SHH: variants seen among roughly 807,000 people sequenced by gnomAD.
SHH encodes sonic hedgehog signaling molecule.
In SHH, 3 loss-of-function variants were observed where a neutral mutation model predicts 16.6. The observed-to-expected ratio is 0.18, with a 90% CI of 0.08 to 0.47. The LOEUF (loss-of-function observed/expected upper bound fraction) is 0.47, where lower values mean the gene tolerates loss of function less well. Ranked by LOEUF, SHH falls within the 20% of genes least tolerant of loss-of-function variation. The pLI, the probability that SHH is intolerant of heterozygous loss-of-function variation, is 0.98. For synonymous variants in SHH, 351 were observed against 316.2 expected (o/e 1.11, Z -1.17); for missense variants, 499 against 665.0 (o/e 0.75, Z 2.75).
chr7:155,803,272 C>G lies in SHH; in HGVS notation c.1017G>C (p.Glu339Asp). The G allele has an allele frequency of 2.0e-6, 3 of 1,505,400 alleles. No homozygotes were observed. Among genetic ancestry groups the G allele is most frequent in the Non-Finnish European group, 2.6e-6 (3 of 1,134,600 alleles). 93.3% of individuals were successfully genotyped at this position (1,505,400 alleles called of 1,614,324 possible). A position where few individuals can be genotyped will look rare whatever the true frequency, so the allele number is the denominator to read the frequency against. Residue 339 changes from glutamate to aspartate, a missense_variant, in exon 3 of 3, where the codon GAG becomes GAC. By Grantham distance (45) the Glu-to-Asp change is conservative. This residue lies in a region of SHH where 299 missense variants were observed against 301.1 expected (regional missense o/e 0.99). Transcript: ENST00000297261. ...PAAVHSVTLS[E>D]EAAGAYAPLT... ...GCGGCGCGTAGGCGCCCGCGGCCTC[C>G]TCGCTTAGGGTCACGCTGTGCACAG...
chr7:155,806,677 T>G, intron 1 of SHH, 120 bp from the exon 2 acceptor site: 1 of 1,289,462 alleles, frequency 7.8e-7, no homozygotes, highest in Non-Finnish European at 1.1e-6. Context: ...TGCGGAGAGG[T>G]GGGGAGACGG....
Position 155,800,722 on chromosome 7 carries a change from G to A in SHH, c.*2178C>T, listed in dbSNP as rs1313081027. Reference sequence around the variant, plus strand: ...AAAAAGGCTGAGGACTGCTCCTGAGGAGAGGGCTCCAGAGGCCCTGCGCCA... The same window carrying A: ...AAAAAGGCTGAGGACTGCTCCTGAGAAGAGGGCTCCAGAGGCCCTGCGCCA... On this transcript the variant is annotated 3_prime_UTR_variant, in exon 3 of 3. Transcript: ENST00000297261. 4.4e-6 allele frequency: 2 copies of A among 456,032 alleles called. No individual in the cohort carries two copies. Among genetic ancestry groups the A allele is most frequent in the East Asian group, 7.0e-5 (1 of 14,320 alleles). The allele number at this position is 456,032 out of a possible 1,614,324, so 28.2% of individuals were successfully genotyped here. A position where few individuals can be genotyped will look rare whatever the true frequency, so the allele number is the denominator to read the frequency against.
At chr7:155,810,424 C>T (rs962274565) in intron 1 of SHH, among the ~76,000 whole-genome samples, 2 of 152,230 alleles carry the variant, frequency 1.3e-5, no homozygotes, top group Non-Finnish European at 2.9e-5. Flanking sequence ...ATGGGCGCCT[C>T]GGGCTAGCCG....
Position 155,802,788 on chromosome 7 carries a change from C to G in SHH, c.*112G>C. 1 of 623,762 alleles carries G rather than the reference C, an allele frequency of 1.6e-6. No individual in the cohort carries two copies. The allele number at this position is 623,762 out of a possible 1,614,324, so 38.6% of individuals were successfully genotyped here. ...ACTGTCCTACTTTATTATTCTTATTCTTATTATAACTCAGTCTGGTTCGTG... is the reference window on the plus strand; with the variant it reads ...ACTGTCCTACTTTATTATTCTTATTGTTATTATAACTCAGTCTGGTTCGTG... On this transcript the variant is annotated 3_prime_UTR_variant, in exon 3 of 3. Transcript: ENST00000297261.
chr7:155,811,708 G>A, intron 1 of SHH, 115 bp downstream of exon 1: 1 of 1,049,176 alleles, frequency 9.5e-7, no homozygotes, highest in Non-Finnish European at 1.5e-6. Flanking sequence ...GAAGGAGCGG[G>A]TGAAATCACC....
At chr7:155,808,636 C>CCCG (rs1335453364) in intron 1 of SHH, among the ~76,000 whole-genome samples, 1 of 152,218 alleles carries the variant, frequency 6.6e-6, no homozygotes, top group Non-Finnish European at 1.5e-5. Context: ...CTCTCCTCCG[C>CCCG]CCGCGCTGGG....
At position 155,802,785 on chromosome 7, in the gene SHH, A is replaced by ATTCT. The variant is rs991536699; in HGVS notation, c.*111_*114dup. 9.7e-5 allele frequency: 59 copies of ATTCT among 611,302 alleles called. No individual in the cohort carries two copies. The Admixed American group carries it at 1.8e-3, about 19-fold the overall frequency. 37.9% of individuals were successfully genotyped at this position (611,302 alleles called of 1,614,324 possible). A position where few individuals can be genotyped will look rare whatever the true frequency, so the allele number is the denominator to read the frequency against. ...TGGACTGTCCTACTTTATTATTCTT[A>ATTCT]TTCTTATTATAACTCAGTCTGGTTC... On this transcript the variant is annotated 3_prime_UTR_variant, in exon 3 of 3. Transcript: ENST00000297261.
At chr7:155,806,872 T>G (rs1261351135) in intron 1 of SHH, 1 of 476,186 alleles carries the variant, frequency 2.1e-6, no homozygotes, top group East Asian at 4.2e-5. Flanking sequence ...CTGAAACAAG[T>G]GACCTGCATG....
chr7:155,808,770 C>T (rs982948962), intron 1 of SHH, among the ~76,000 whole-genome samples: 11 of 152,230 alleles, frequency 7.2e-5, no homozygotes, highest in Non-Finnish European at 1.0e-4. Context: ...CGGGGCCGGG[C>T]TTTGTGTCGG....
In SHH at chr7:155,809,908, G is replaced by A. The variant is rs985660703; in HGVS notation, c.300+1915C>T. Among the ~76,000 whole-genome samples, 4 of 151,534 alleles carry A rather than the reference G, an allele frequency of 2.6e-5. No individual in the cohort carries two copies. Among genetic ancestry groups the A allele is most frequent in the African/African-American group, 9.7e-5 (4 of 41,376 alleles). ...GAGGCCAGGCAGGCGGCGGACTGGG[G>A]ATGGGGGCGCGTCCCAGGGCAGGCC... On this transcript the variant is annotated intron_variant, in intron 1 of 2. Transcript: ENST00000297261. This position sits in a 1 kb window ranked among gnomAD's most constrained non-coding sequence, Gnocchi z 6.1.
In SHH at chr7:155,803,158, G is replaced by A. The variant is rs1803241498; in HGVS notation, c.1131C>T (p.Phe377=). 1 of 1,439,844 alleles carries A rather than the reference G, an allele frequency of 6.9e-7. No individual in the cohort carries two copies. The highest frequency in any genetic ancestry group is 1.9e-4 in the Middle Eastern group (1 of 5,270). The allele number at this position is 1,439,844 out of a possible 1,614,324, so 89.2% of individuals were successfully genotyped here. ...GCGCGTGCGCCAGGCGGAAGGGCGC[G>A]AAGGCCCGGTGCGCCCAGCTGTGCT... The part of the protein sequence containing the change: ...IEEHSWAHRA[F]APFRLAHALL... Residue 377 remains phenylalanine (F), a synonymous_variant, in exon 3 of 3, where the codon TTC becomes TTT. Transcript: ENST00000297261.
At position 155,812,385 on chromosome 7, in the gene SHH, A is replaced by C; in HGVS notation, c.-263T>G. ...CTGCCGGCCGCTGATAACGGAACAC[A>C]TCGGAGTTGGGTCGCGAGACAGCAA... On this transcript the variant is annotated 5_prime_UTR_variant, in exon 1 of 3. The change abolishes an upstream ATG in the 5' untranslated region. Coordinates refer to ENST00000297261, the MANE Select transcript of SHH (RefSeq NM_000193.4). 5.3e-6 allele frequency: 3 copies of C among 567,618 alleles called. No homozygotes were observed. Among genetic ancestry groups the C allele is most frequent in the Non-Finnish European group, 3.2e-6 (1 of 315,084 alleles). The allele number at this position is 567,618 out of a possible 1,614,324, so 35.2% of individuals were successfully genotyped here.
chr7:155,802,870 C>T lies in SHH; in HGVS notation c.*30G>A, dbSNP rs1225680911. 2.2e-6 allele frequency: 2 copies of T among 907,820 alleles called. No individual in the cohort carries two copies. Among genetic ancestry groups the T allele is most frequent in the African/African-American group, 3.5e-5 (2 of 57,482 alleles). The allele number at this position is 907,820 out of a possible 1,614,324, so 56.2% of individuals were successfully genotyped here. A position where few individuals can be genotyped will look rare whatever the true frequency, so the allele number is the denominator to read the frequency against. Reference sequence around the variant, plus strand: ...TGCTGTTGCTGCCCCGCCCCGCCCCCTCCCGCGCCCCTCCCCCGGCCCCCC... The same window carrying T: ...TGCTGTTGCTGCCCCGCCCCGCCCCTTCCCGCGCCCCTCCCCCGGCCCCCC... On this transcript the variant is annotated 3_prime_UTR_variant, in exon 3 of 3. Transcript: ENST00000297261.
rs1372134874 is a variant in SHH at position 155,812,355 on chromosome 7, G to A, written c.-233C>T. 5.1e-6 allele frequency: 3 copies of A among 589,698 alleles called. No individual in the cohort carries two copies. The highest frequency in any genetic ancestry group is 9.1e-6 in the Non-Finnish European group (3 of 328,998). 36.5% of individuals were successfully genotyped at this position (589,698 alleles called of 1,614,324 possible). A position where few individuals can be genotyped will look rare whatever the true frequency, so the allele number is the denominator to read the frequency against. ...CCCCACCCAGACAGGGGCTGGAATG[G>A]CAGGCTGCCGGCCGCTGATAACGGA... On this transcript the variant is annotated 5_prime_UTR_variant, in exon 1 of 3. Transcript: ENST00000297261.
Position 155,812,189 on chromosome 7 carries a change from G to T in SHH, c.-67C>A. 1 of 1,493,492 alleles carries T rather than the reference G, an allele frequency of 6.7e-7. No individual in the cohort carries two copies. The highest frequency in any genetic ancestry group is 9.3e-7 in the Non-Finnish European group (1 of 1,071,942). The allele number at this position is 1,493,492 out of a possible 1,614,324, so 92.5% of individuals were successfully genotyped here. A position where few individuals can be genotyped will look rare whatever the true frequency, so the allele number is the denominator to read the frequency against. The stretch of plus-strand genomic sequence containing the variant: ...GGTCCGTGCGCGAGTGCGCGCGGCG[G>T]GTGTGTGCGTGTGCGCTCTCTCTTG... On this transcript the variant is annotated 5_prime_UTR_variant, in exon 1 of 3. Transcript: ENST00000297261.
Position 155,812,194 on chromosome 7 carries a change from G to C in SHH, c.-72C>G. On this transcript the variant is annotated 5_prime_UTR_variant, in exon 1 of 3. Coordinates refer to ENST00000297261, the MANE Select transcript of SHH (RefSeq NM_000193.4). ...GTGCGCGAGTGCGCGCGGCGGGTGT[G>C]TGCGTGTGCGCTCTCTCTTGCGCTT... The C allele has an allele frequency of 1.4e-6, 2 of 1,424,332 alleles. No homozygotes were observed. Among genetic ancestry groups the C allele is most frequent in the African/African-American group, 2.8e-5 (2 of 71,170 alleles). The allele number at this position is 1,424,332 out of a possible 1,614,324, so 88.2% of individuals were successfully genotyped here.
In SHH at chr7:155,802,703, A is replaced by G. The variant is rs1298786741; in HGVS notation, c.*197T>C. 1 of 402,298 alleles carries G rather than the reference A, an allele frequency of 2.5e-6. No homozygotes were observed. Among genetic ancestry groups the G allele is most frequent in the Non-Finnish European group, 4.3e-6 (1 of 230,712 alleles). The allele number at this position is 402,298 out of a possible 1,614,324, so 24.9% of individuals were successfully genotyped here. ...AACCAAAAAAATTCAAAAAATATAT[A>G]TCAACTAAGCACAACAACAAAACTT... is the stretch of plus-strand genomic sequence containing the variant. On this transcript the variant is annotated 3_prime_UTR_variant, in exon 3 of 3. Transcript: ENST00000297261.
rs1356165914 is a variant in SHH, at chr7:155,802,855, G to T, written c.*45C>A. 2 of 683,308 alleles carry T rather than the reference G, an allele frequency of 2.9e-6. No homozygotes were observed. The highest frequency in any genetic ancestry group is 4.4e-6 in the Non-Finnish European group (2 of 452,514). The allele number at this position is 683,308 out of a possible 1,614,324, so 42.3% of individuals were successfully genotyped here. A position where few individuals can be genotyped will look rare whatever the true frequency, so the allele number is the denominator to read the frequency against. On this transcript the variant is annotated 3_prime_UTR_variant, in exon 3 of 3. Transcript: ENST00000297261. ...CTTTTTGCTTTGCGTTGCTGTTGCTGCCCCGCCCCGCCCCCTCCCGCGCCC... is the reference window on the plus strand; with the variant it reads ...CTTTTTGCTTTGCGTTGCTGTTGCTTCCCCGCCCCGCCCCCTCCCGCGCCC...
Position 155,811,869 on chromosome 7 carries a change from A to G in SHH, c.254T>C (p.Ile85Thr). 1.2e-6 allele frequency: 2 copies of G among 1,614,116 alleles called. No homozygotes were observed. Among genetic ancestry groups the G allele is most frequent in the Non-Finnish European group, 1.7e-6 (2 of 1,180,034 alleles). ...TCCGGTGTTTTCTTCATCCTTAAAT[A>G]TGATGTCGGGGTTGTAATTGGGGGT... is the stretch of plus-strand genomic sequence containing the variant. ...ELTPNYNPDI[I>T]FKDEENTGAD... Residue 85 changes from isoleucine (I) to threonine (T), a missense_variant, in exon 1 of 3, where the codon ATA becomes ACA. Around this residue, in one of 4 missense-constraint regions of SHH, gnomAD observed 75 missense variants for 115.0 expected, o/e 0.65. Transcript: ENST00000297261.
Sources: allele counts gnomAD v4.1 joint callset (sites outside exome capture counted in the v4.1 genomes callset), GRCh38; gene constraint gnomAD v4.1.1; regional missense constraint gnomAD v4.1.1; non-coding constraint Gnocchi (gnomAD v3.1); transcripts MANE v1.5; gene names NCBI Gene and HGNC (gene_info 2026-07-23, HGNC 2026-07-21).